Variants in ALDH16A1 observed in about 807,000 individuals in gnomAD.
ALDH16A1 encodes the protein aldehyde dehydrogenase family 16 member A1.
Under a neutral mutation model 96.1 loss-of-function variants are expected in ALDH16A1, and 88 were observed. The observed-to-expected ratio is 0.92, with a 90% CI of 0.77 to 1.09. ALDH16A1 has a LOEUF of 1.09. Ranked by LOEUF, ALDH16A1 falls within the 50% of genes least tolerant of loss-of-function variation. ALDH16A1 has a pLI of 0.00. For synonymous variants in ALDH16A1, 522 were observed against 496.4 expected (o/e 1.05, Z -0.69); for missense variants, 1,250 against 1,112.6 (o/e 1.12, Z -1.76).
rs769326162 is a variant in ALDH16A1 at position 49,460,804 on chromosome 19, C to T, written c.500-18C>T. 1.2e-6 allele frequency: 2 copies of T among 1,609,460 alleles called. No individual in the cohort carries two copies. Among genetic ancestry groups the T allele is most frequent in the South Asian group, 2.2e-5 (2 of 91,004 alleles). On this transcript the variant is annotated intron_variant, in intron 4 of 16. Transcript: ENST00000293350. Reference sequence around the variant, plus strand: ...ACCTAGCCTCAAGGGATCCTCTTGCCTCATTTTTTTCTTGCAGGAGTAATT... The same window carrying T: ...ACCTAGCCTCAAGGGATCCTCTTGCTTCATTTTTTTCTTGCAGGAGTAATT...
At chr19:49,458,897 A>C in intron 2 of ALDH16A1, 63 bp from the exon 3 acceptor site, 1 of 1,569,628 alleles carries the variant, frequency 6.4e-7, no homozygotes, top group East Asian at 2.3e-5. Flanking sequence ...CGAAAATCTC[A>C]GCCCCCTCCA....
chr19:49,461,173 A>G (rs1300843033), intron 5 of ALDH16A1, among the ~76,000 whole-genome samples: 2 of 64,234 alleles, frequency 3.1e-5, no homozygotes, highest in Admixed American at 1.8e-4. Flanking sequence ...CTGAGGGAGG[A>G]GGGGCTGGGG....
intron 1 of ALDH16A1, 61 bp downstream of exon 1, chr19:49,453,482 T>C (rs2079084841): frequency 7.0e-7 from 1 of 1,434,860 alleles, no homozygotes; most frequent in Non-Finnish European, 9.4e-7. Context: ...GCCCGGTTTT[T>C]CGCGGGGAGT....
At chr19:49,461,832 C>T (rs75134359) in intron 6 of ALDH16A1, 32 bp downstream of exon 6, 28 of 1,602,518 alleles carry the variant, frequency 1.7e-5, no homozygotes, top group Middle Eastern at 1.7e-4. Flanking sequence ...TGGCGGAACG[C>T]GGCTGGGGGC....
At chr19:49,453,598 G>A in intron 1 of ALDH16A1, 177 bp downstream of exon 1, 1 of 586,866 alleles carries the variant, frequency 1.7e-6, no homozygotes, top group East Asian at 2.8e-5. Flanking sequence ...GAGCCTTGGC[G>A]GTGGCAGCCT....
intron 6 of ALDH16A1, 35 bp downstream of exon 6, chr19:49,461,835 C>G (rs1407821322): frequency 6.2e-7 from 1 of 1,602,138 alleles, no homozygotes; most frequent in African/African-American, 1.3e-5. Context: ...CGGAACGCGG[C>G]TGGGGGCCGC....
At chr19:49,470,116 T>A (rs1322657326) in intron 16 of ALDH16A1, 190 bp from the exon 17 acceptor site, 4 of 648,364 alleles carry the variant, frequency 6.2e-6, no homozygotes, top group Admixed American at 3.2e-5. Flanking sequence ...GAGAGGAAAT[T>A]CCCTAACCAC....
intron 1 of ALDH16A1, among the ~76,000 whole-genome samples, chr19:49,457,355 G>A (rs1454060027): frequency 1.3e-5 from 2 of 151,710 alleles, no homozygotes; most frequent in African/African-American, 4.8e-5. Context: ...AGACCATCCT[G>A]GCTAACACAG....
chr19:49,461,757 C>A lies in ALDH16A1; in HGVS notation c.716C>A (p.Ser239Tyr), dbSNP rs1367534400. 6.2e-7 allele frequency: 1 copy of A among 1,611,054 alleles called. No homozygotes were observed. The highest frequency in any genetic ancestry group is 2.2e-5 in the East Asian group (1 of 44,768). The change falls in exon 6 of 17, where the codon TCC becomes TAC. Residue 239 changes from serine (S) to tyrosine (Y), a missense_variant. Physicochemically the swap from Ser to Tyr is moderately radical, Grantham distance 144. Coordinates refer to ENST00000293350, the MANE Select transcript of ALDH16A1 (RefSeq NM_153329.4). ...GPASLVPILASQPGIRKVAFC... is the reference protein window; with the variant it reads ...GPASLVPILAYQPGIRKVAFC... ...GCGTCCCTGGTGCCCATCCTGGCCT[C>A]CCAGCCTGGAATCCGGAAGGTGGCC...
chr19:49,466,136 T>C lies in ALDH16A1; in HGVS notation c.1791T>C (p.Ala597=), dbSNP rs1269107660. The change falls in exon 14 of 17, where the codon GCT becomes GCC. Residue 597 remains alanine (A), a synonymous_variant. Coordinates refer to ENST00000293350, the MANE Select transcript of ALDH16A1 (RefSeq NM_153329.4). ...ARAALLWALA[A]ALERRKSTLA... ...CAGCCCTGCTGTGGGCCCTGGCGGCTGCACTGGAGCGCCGGAAGTCTACCC... is the reference window on the plus strand; with the variant it reads ...CAGCCCTGCTGTGGGCCCTGGCGGCCGCACTGGAGCGCCGGAAGTCTACCC... The C allele has an allele frequency of 1.3e-6, 2 of 1,556,804 alleles. No homozygotes were observed. Among genetic ancestry groups the C allele is most frequent in the Non-Finnish European group, 1.7e-6 (2 of 1,153,468 alleles).
chr19:49,460,946 G>A, intron 5 of ALDH16A1, 47 bp downstream of exon 5: 1 of 1,574,238 alleles, frequency 6.4e-7, no homozygotes. Flanking sequence ...TGAGAAAGGA[G>A]GGGATCGTGG....
chr19:49,462,193 C>T (rs1252366718), intron 7 of ALDH16A1, among the ~76,000 whole-genome samples, 157 bp downstream of exon 7: 1 of 150,024 alleles, frequency 6.7e-6, no homozygotes, highest in African/African-American at 2.5e-5. Context: ...GGTGCAGCGG[C>T]GCGATTTTGG....
intron 14 of ALDH16A1, among the ~76,000 whole-genome samples, chr19:49,467,637 G>A (rs868661272): frequency 6.0e-5 from 9 of 150,900 alleles, no homozygotes; most frequent in Middle Eastern, 3.5e-3. Flanking sequence ...CTCGTGATCC[G>A]CCCACCTTGG....
At chr19:49,469,326 TGCAGCC>T (rs2079226003) in intron 16 of ALDH16A1, 1 of 169,802 alleles carries the variant, frequency 5.9e-6, no homozygotes, top group Non-Finnish European at 1.3e-5. Flanking sequence ...CATACCTCAC[TGCAGCC>T]GCAACCTCCC....
In ALDH16A1 at chr19:49,459,488, C is replaced by T. The variant is rs754485869; in HGVS notation, c.321-182C>T. Among the ~76,000 whole-genome samples, 1 of 152,204 alleles carries T rather than the reference C, an allele frequency of 6.6e-6. No individual in the cohort carries two copies. The highest frequency in any genetic ancestry group is 6.5e-5 in the Admixed American group (1 of 15,268). ...GGCGGCCAAGACCTTTACACAGCAT[C>T]CTCAGGGTTTGTGTTTCCATGACTA... On this transcript the variant is annotated intron_variant, in intron 3 of 16. Coordinates refer to ENST00000293350, the MANE Select transcript of ALDH16A1 (RefSeq NM_153329.4). The surrounding 1 kb of genome is among the most constrained non-coding windows in gnomAD (Gnocchi z 4.1).
At position 49,458,520 on chromosome 19, in the gene ALDH16A1, A is replaced by G; in HGVS notation, c.125A>G (p.His42Arg). The G allele has an allele frequency of 1.3e-6, 2 of 1,567,160 alleles. No homozygotes were observed. Among genetic ancestry groups the G allele is most frequent in the Non-Finnish European group, 1.7e-6 (2 of 1,153,698 alleles). Reference sequence around the variant, plus strand: ...GACACCCAGGACCGGTGCTTGGGCCACTATGTGAATGGGAAGTGGTTAAAG... The same window carrying G: ...GACACCCAGGACCGGTGCTTGGGCCGCTATGTGAATGGGAAGTGGTTAAAG... ...WLDTQDRCLG[H>R]YVNGKWLKPE... The change falls in exon 2 of 17, where the codon CAC (histidine) becomes CGC (arginine). Residue 42 changes from histidine (H) to arginine (R), a missense_variant. By Grantham distance (29) the His-to-Arg change is conservative. Transcript: ENST00000293350.
chr19:49,468,915 C>G lies in ALDH16A1; in HGVS notation c.2176C>G (p.Arg726Gly), dbSNP rs139039890. Reference protein sequence around the residue: ...AGLANVVTGDRDHLTRCLALH... With the variant: ...AGLANVVTGDGDHLTRCLALH... The stretch of plus-strand genomic sequence containing the variant: ...CCTGGCCAACGTGGTGACAGGAGAC[C>G]GGGACCATCTGACCCGCTGCCTGGC... Residue 726 changes from arginine to glycine, a missense_variant, in exon 16 of 17, where the codon CGG becomes GGG. Physicochemically the swap from Arg to Gly is moderately radical, Grantham distance 125. Transcript: ENST00000293350. This position sits in a 1 kb window ranked among gnomAD's most constrained non-coding sequence, Gnocchi z 4.4. The G allele has an allele frequency of 6.2e-7, 1 of 1,614,016 alleles. No homozygotes were observed. Among genetic ancestry groups the G allele is most frequent in the Admixed American group, 1.7e-5 (1 of 60,004 alleles).
In ALDH16A1 at chr19:49,464,651, G is replaced by T. The variant is rs200088188; in HGVS notation, c.1457G>T (p.Arg486Leu). 5 of 1,614,050 alleles carry T rather than the reference G, an allele frequency of 3.1e-6. No individual in the cohort carries two copies. The highest frequency in any genetic ancestry group is 4.2e-6 in the Non-Finnish European group (5 of 1,180,008). ...TCACAGGGGCTGTATGAGTATCTGC[G>T]GCCCTCAGGGACCCCTGCCCGGCTG... ...GGPDGLYEYL[R>L]PSGTPARLSC... Residue 486 changes from arginine (R) to leucine (L), a missense_variant, in exon 12 of 17, where the codon CGG becomes CTG. Coordinates refer to ENST00000293350, the MANE Select transcript of ALDH16A1 (RefSeq NM_153329.4).
At chr19:49,456,635 C>T (rs561434855) in intron 1 of ALDH16A1, among the ~76,000 whole-genome samples, 1 of 152,280 alleles carries the variant, frequency 6.6e-6, no homozygotes, top group South Asian at 2.1e-4. Context: ...AGCAATCCTC[C>T]CGTCTCAGCG....
Sources: gnomAD v4.1 joint callset for allele counts (sites outside exome capture counted in the v4.1 genomes callset) on GRCh38, gnomAD v4.1.1 for gene constraint, Gnocchi (gnomAD v3.1) non-coding constraint, MANE v1.5 for transcripts, NCBI Gene and HGNC (gene_info 2026-07-23, HGNC 2026-07-21) for gene names.